TAB2: variants seen among roughly 807,000 people sequenced by gnomAD.
The protein encoded by TAB2 is TGF-beta-activated kinase 1 and MAP3K7-binding protein 2.
Under a neutral mutation model 65.0 loss-of-function variants are expected in TAB2, and 3 were observed. The observed-to-expected ratio is 0.05, with a 90% CI of 0.02 to 0.12. TAB2 has a LOEUF of 0.12. TAB2 is among the 10% of genes least tolerant of loss of function. TAB2 has a pLI of 1.00. For missense variants in TAB2, 623 were observed against 840.3 expected (o/e 0.74, Z 3.20); for synonymous variants, 298 against 285.1 (o/e 1.05, Z -0.46).
intron 1 of TAB2, among the ~76,000 whole-genome samples, chr6:149,278,768 G>A (rs552453352): frequency 1.3e-5 from 2 of 152,132 alleles, no homozygotes; most frequent in East Asian, 3.9e-4. Flanking sequence ...AAGAGGAAAG[G>A]AATAAATAAA....
intron 3 of TAB2, among the ~76,000 whole-genome samples, chr6:149,380,605 A>G (rs1169023380): frequency 3.3e-5 from 5 of 152,212 alleles, no homozygotes; most frequent in Non-Finnish European, 7.3e-5. Context: ...TTTAGATAAG[A>G]AGGTGGAGGT....
At chr6:149,237,561 C>A (rs1777517794) in intron 1 of TAB2, among the ~76,000 whole-genome samples, 1 of 152,198 alleles carries the variant, frequency 6.6e-6, no homozygotes, top group Non-Finnish European at 1.5e-5. Flanking sequence ...GTCAGTCCTG[C>A]CTTTCTCCTG....
chr6:149,323,851 A>C (rs1379036955), intron 1 of TAB2, among the ~76,000 whole-genome samples: 1 of 152,194 alleles, frequency 6.6e-6, no homozygotes, highest in Non-Finnish European at 1.5e-5. Context: ...TTAGTATTTG[A>C]TGTGCCACAG....
At chr6:149,274,751 T>C (rs745699027) in intron 1 of TAB2, among the ~76,000 whole-genome samples, 15 of 152,166 alleles carry the variant, frequency 9.9e-5, no homozygotes, top group Admixed American at 2.0e-4. Context: ...AGGCCCTAGG[T>C]AGTGCCTGAT....
chr6:149,259,508 T>C (rs1394535683), intron 1 of TAB2, among the ~76,000 whole-genome samples: 2 of 152,164 alleles, frequency 1.3e-5, no homozygotes, highest in African/African-American at 4.8e-5. Context: ...CATCTCCACA[T>C]CACCTAATTT....
At chr6:149,222,307 G>A (rs1303230134) in intron 1 of TAB2, among the ~76,000 whole-genome samples, 2 of 152,010 alleles carry the variant, frequency 1.3e-5, no homozygotes, top group South Asian at 2.1e-4. Flanking sequence ...ATAATCACAC[G>A]AGCCAATCCC....
chr6:149,238,610 C>A (rs1225963545), intron 1 of TAB2, among the ~76,000 whole-genome samples: 3 of 152,180 alleles, frequency 2.0e-5, no homozygotes, highest in Non-Finnish European at 4.4e-5. Flanking sequence ...CCGGCTCCTC[C>A]AAGGATGACC....
intron 1 of TAB2, among the ~76,000 whole-genome samples, chr6:149,328,343 A>AG (rs921256544): frequency 1.3e-5 from 2 of 152,134 alleles, no homozygotes; most frequent in African/African-American, 4.8e-5. Context: ...CTCAGGCTGG[A>AG]GTGCAGTGGT....
intron 1 of TAB2, among the ~76,000 whole-genome samples, chr6:149,254,110 GA>G (rs1562389727): frequency 2.3e-5 from 3 of 128,504 alleles, no homozygotes; most frequent in Admixed American, 8.0e-5. Context: ...AGGAAGGAAG[GA>G]AGGACAGGGA....
intron 3 of TAB2, among the ~76,000 whole-genome samples, chr6:149,389,300 T>C (rs1312657214): frequency 1.3e-5 from 2 of 151,530 alleles, no homozygotes; most frequent in African/African-American, 4.8e-5. Context: ...CTTGAAACCA[T>C]ATTGAACTGG....
chr6:149,402,003 A>G (rs1216592995), intron 6 of TAB2, among the ~76,000 whole-genome samples: 1 of 151,354 alleles, frequency 6.6e-6, no homozygotes, highest in African/African-American at 2.4e-5. Context: ...TACATTAAAA[A>G]AAAAAAAAGA....
At chr6:149,263,463 C>CAACAA (rs1266296503) in intron 1 of TAB2, among the ~76,000 whole-genome samples, 1 of 152,132 alleles carries the variant, frequency 6.6e-6, no homozygotes, top group Non-Finnish European at 1.5e-5. Context: ...TGTTTGAAAG[C>CAACAA]CAAGATTTAC....
At chr6:149,301,000 G>A (rs613276) in intron 1 of TAB2, among the ~76,000 whole-genome samples, 49,700 of 152,116 alleles carry the variant, frequency 0.33, 8,190 homozygotes, top group East Asian at 0.41. Flanking sequence ...GGGGAGTCTT[G>A]CTGTGGGAGA....
Position 149,339,589 on chromosome 6 carries a change from A to ATTTTTT in TAB2, c.-90+21577_-90+21578insTTTTTT, listed in dbSNP as rs1462448974. Among the ~76,000 whole-genome samples the ATTTTTT allele has an allele frequency of 2.2e-4, 7 of 31,462 alleles. 1 individual carries two copies. Among genetic ancestry groups the ATTTTTT allele is most frequent in the Non-Finnish European group, 4.6e-4 (4 of 8,684 alleles). The allele number at this position is 31,462 out of a possible 152,430, so 20.6% of individuals were successfully genotyped here. A position where few individuals can be genotyped will look rare whatever the true frequency, so the allele number is the denominator to read the frequency against. On this transcript the variant is annotated intron_variant, in intron 1 of 6. Coordinates refer to ENST00000637181, the MANE Select transcript of TAB2 (RefSeq NM_001292034.3). ...CACGGCCCAATAATTAATCTTTTTT[A>ATTTTTT]TTTATTTATTTATTTATTTTTTTTT...
chr6:149,251,853 A>G (rs1233737384), intron 1 of TAB2, among the ~76,000 whole-genome samples: 2 of 152,230 alleles, frequency 1.3e-5, no homozygotes, highest in Non-Finnish European at 2.9e-5. Flanking sequence ...TCATTGTACT[A>G]CCTTACTAAT....
intron 1 of TAB2, among the ~76,000 whole-genome samples, chr6:149,329,207 A>G (rs1186122304): frequency 2.6e-5 from 4 of 152,224 alleles, no homozygotes; most frequent in African/African-American, 7.2e-5. Flanking sequence ...GTAGTGCACA[A>G]AATACCTTAG....
rs370658789 is a variant in TAB2 at position 149,275,125 on chromosome 6, G to GTTTTTTT, written c.-121+56361_-121+56367dup. Among the ~76,000 whole-genome samples the GTTTTTTT allele has an allele frequency of 2.7e-4, 18 of 67,854 alleles. 1 individual carries two copies. The highest frequency in any genetic ancestry group is 4.0e-4 in the African/African-American group (6 of 15,088). 44.5% of individuals were successfully genotyped at this position (67,854 alleles called of 152,430 possible). On this transcript the variant is annotated intron_variant, in intron 1 of 1. Coordinates refer to the TAB2 transcript ENST00000606202. Reference sequence around the variant, plus strand: ...TCCCTAATTTTTTTTCTCTTCTTCTGTTTTTTTTTTTTTTTTTTGAGTTGG... The same window carrying GTTTTTTT: ...TCCCTAATTTTTTTTCTCTTCTTCTGTTTTTTTTTTTTTTTTTTTTTTTTTGAGTTGG...
chr6:149,254,424 C>G (rs1053401608), intron 1 of TAB2, among the ~76,000 whole-genome samples: 1 of 152,212 alleles, frequency 6.6e-6, no homozygotes, highest in Non-Finnish European at 1.5e-5. Context: ...AAAGCACTCT[C>G]TAGCTGATTC....
chr6:149,404,420 A>C (rs528679441), intron 6 of TAB2, among the ~76,000 whole-genome samples: 6 of 152,212 alleles, frequency 3.9e-5, no homozygotes, highest in Non-Finnish European at 8.8e-5. Flanking sequence ...GACATCCTTT[A>C]CAGAAACAGA....
Sources: gnomAD v4.1 joint callset for allele counts (sites outside exome capture counted in the v4.1 genomes callset) on GRCh38, gnomAD v4.1.1 for gene constraint, MANE v1.5 for transcripts, NCBI Gene and HGNC (gene_info 2026-07-23, HGNC 2026-07-21) for gene names.